Variants in HS3ST4 observed in about 807,000 individuals in gnomAD.
HS3ST4 encodes heparan sulfate-glucosamine 3-sulfotransferase 4.
A neutral mutation model predicts 29.2 loss-of-function variants in HS3ST4; 17 were observed. The observed-to-expected ratio is 0.58, with a 90% CI of 0.40 to 0.87. HS3ST4 has a LOEUF of 0.87. HS3ST4 is among the 40% of genes least tolerant of loss of function. The pLI is 0.00. For missense variants in HS3ST4, 627 were observed against 634.5 expected (o/e 0.99, Z 0.13); for synonymous variants, 314 against 285.7 (o/e 1.10, Z -1.00).
At chr16:26,008,411 A>C (rs999166612) in intron 1 of HS3ST4, among the ~76,000 whole-genome samples, 1 of 152,206 alleles carries the variant, frequency 6.6e-6, no homozygotes, top group Non-Finnish European at 1.5e-5. Flanking sequence ...ACCCTGACAC[A>C]GGAAGGGTAC....
At chr16:26,067,145 CCA>C (rs1035448083) in intron 1 of HS3ST4, among the ~76,000 whole-genome samples, 5 of 152,098 alleles carry the variant, frequency 3.3e-5, no homozygotes, top group African/African-American at 1.2e-4. Context: ...AACAACACTT[CCA>C]CACCTCCTCC....
intron 1 of HS3ST4, among the ~76,000 whole-genome samples, chr16:25,709,331 A>G (rs1173934220): frequency 6.6e-6 from 1 of 152,280 alleles, no homozygotes; most frequent in East Asian, 1.9e-4. Context: ...GCACACATCC[A>G]TCAAGCGGTT....
intron 1 of HS3ST4, among the ~76,000 whole-genome samples, chr16:25,834,104 T>G (rs1967334240): frequency 6.6e-6 from 1 of 152,230 alleles, no homozygotes; most frequent in South Asian, 2.1e-4. Flanking sequence ...TCAACTGCTT[T>G]AGGAAGTAAT....
chr16:26,112,896 G>T (rs4787814), intron 1 of HS3ST4, among the ~76,000 whole-genome samples: 100,135 of 150,510 alleles, frequency 0.67, 33,377 homozygotes, highest in Middle Eastern at 0.74. Flanking sequence ...AAGCATTTTG[G>T]AAAACAAAGT....
intron 1 of HS3ST4, among the ~76,000 whole-genome samples, chr16:25,813,348 G>A (rs1360703638): frequency 6.6e-6 from 1 of 152,160 alleles, no homozygotes; most frequent in Admixed American, 6.5e-5. Flanking sequence ...GCTTGGGCCG[G>A]GTGCGGTGGC....
intron 1 of HS3ST4, among the ~76,000 whole-genome samples, chr16:26,119,509 T>A (rs1299812388): frequency 6.6e-6 from 1 of 151,958 alleles, no homozygotes; most frequent in Non-Finnish European, 1.5e-5. Context: ...AGCAATTGAG[T>A]GGATGGTGAT....
chr16:26,110,886 A>C (rs1306876901), intron 1 of HS3ST4, among the ~76,000 whole-genome samples: 1 of 151,596 alleles, frequency 6.6e-6, no homozygotes, highest in African/African-American at 2.4e-5. Flanking sequence ...CACTAAAAAC[A>C]CTCCTATCTC....
At chr16:25,867,191 C>T (rs924152123) in intron 1 of HS3ST4, among the ~76,000 whole-genome samples, 3 of 152,080 alleles carry the variant, frequency 2.0e-5, no homozygotes, top group Non-Finnish European at 4.4e-5. Flanking sequence ...TTATGTCCAC[C>T]CCAGATCCAG....
intron 1 of HS3ST4, among the ~76,000 whole-genome samples, chr16:26,042,612 C>T (rs755650831): frequency 4.6e-5 from 7 of 152,178 alleles, no homozygotes; most frequent in Non-Finnish European, 8.8e-5. Context: ...TACTGTTTTC[C>T]TCCTAAAAGC....
chr16:25,971,204 A>G (rs1458751074), intron 1 of HS3ST4, among the ~76,000 whole-genome samples: 1 of 152,144 alleles, frequency 6.6e-6, no homozygotes, highest in African/African-American at 2.4e-5. Flanking sequence ...GGAGATATGA[A>G]AATAAATAAT....
At chr16:25,774,975 A>T (rs755754763) in intron 1 of HS3ST4, among the ~76,000 whole-genome samples, 6 of 152,164 alleles carry the variant, frequency 3.9e-5, no homozygotes, top group Non-Finnish European at 7.3e-5. Flanking sequence ...CTTCTGCAAG[A>T]TTATGCATCT....
chr16:25,848,000 A>G (rs1186806967), intron 1 of HS3ST4, among the ~76,000 whole-genome samples: 2 of 152,200 alleles, frequency 1.3e-5, no homozygotes, highest in Non-Finnish European at 2.9e-5. Flanking sequence ...GTCTTTGAGA[A>G]TGATTTCAAC....
At chr16:26,027,807 T>C (rs1047283762) in intron 1 of HS3ST4, among the ~76,000 whole-genome samples, 1 of 152,184 alleles carries the variant, frequency 6.6e-6, no homozygotes, top group Non-Finnish European at 1.5e-5. Flanking sequence ...TTAATACTTG[T>C]TCGAGTTCAC....
At chr16:26,112,002 T>C (rs112463434) in intron 1 of HS3ST4, among the ~76,000 whole-genome samples, 2 of 131,306 alleles carry the variant, frequency 1.5e-5, no homozygotes, top group African/African-American at 5.7e-5. Flanking sequence ...GGCGACAGAG[T>C]GAGACTCCAC....
chr16:26,029,411 G>A (rs1243414770), intron 1 of HS3ST4, among the ~76,000 whole-genome samples: 2 of 151,802 alleles, frequency 1.3e-5, no homozygotes, highest in African/African-American at 4.8e-5. Flanking sequence ...TTTGCAAGGG[G>A]TAGTTCTTTT....
chr16:25,859,697 C>T (rs1164521949), intron 1 of HS3ST4, among the ~76,000 whole-genome samples: 1 of 152,114 alleles, frequency 6.6e-6, no homozygotes, highest in Admixed American at 6.5e-5. Context: ...AAAACAGGGT[C>T]AAAGACCTTA....
At chr16:26,084,959 T>C (rs971097427) in intron 1 of HS3ST4, among the ~76,000 whole-genome samples, 2 of 152,040 alleles carry the variant, frequency 1.3e-5, no homozygotes, top group African/African-American at 2.4e-5. Flanking sequence ...ATCCTTTGAG[T>C]TCCTGGTTGC....
chr16:25,926,505 T>G (rs1352773434), intron 1 of HS3ST4, among the ~76,000 whole-genome samples: 1 of 152,222 alleles, frequency 6.6e-6, no homozygotes, highest in East Asian at 1.9e-4. Context: ...ATTCACTTGA[T>G]CTAGAACAAA....
At chr16:26,103,053 T>C (rs1899006978) in intron 1 of HS3ST4, among the ~76,000 whole-genome samples, 1 of 152,192 alleles carries the variant, frequency 6.6e-6, no homozygotes. Flanking sequence ...TTAGCTCATA[T>C]TCCATTGGCT....
Sources: gnomAD v4.1 joint callset for allele counts (sites outside exome capture counted in the v4.1 genomes callset) on GRCh38, gnomAD v4.1.1 for gene constraint, MANE v1.5 for transcripts, NCBI Gene and HGNC (gene_info 2026-07-23, HGNC 2026-07-21) for gene names.